Variants in KCNS1 observed in about 807,000 individuals in gnomAD.
KCNS1 encodes the protein delayed-rectifier potassium channel regulatory subunit KCNS1.
In KCNS1, 26 loss-of-function variants were observed where a neutral mutation model predicts 33.1. The ratio of observed to expected loss-of-function variants is 0.79; its 90% CI spans 0.58 to 1.09. The LOEUF is 1.09. Among genes scored for constraint, KCNS1 ranks in the 50% least tolerant of loss-of-function variants. KCNS1 has a pLI of 0.00. For synonymous variants in KCNS1, 299 were observed against 338.8 expected (o/e 0.88, Z 1.29); for missense variants, 702 against 752.4 (o/e 0.93, Z 0.78).
At position 45,097,883 on chromosome 20, in the gene KCNS1, T is replaced by C. The variant is rs1157573489; in HGVS notation, c.889A>G (p.Thr297Ala). Reference protein sequence around the residue: ...VSSRLLLAPSTRNFFCHPLNL... With the variant: ...VSSRLLLAPSARNFFCHPLNL... Reference sequence around the variant, plus strand: ...AGCGGGTGGCAGAAGAAGTTGCGCGTACTGGGCGCCAGCAGGAGGCGCGAC... The same window carrying C: ...AGCGGGTGGCAGAAGAAGTTGCGCGCACTGGGCGCCAGCAGGAGGCGCGAC... The change falls in exon 3 of 4, where the codon ACG becomes GCG. Residue 297 changes from threonine (T) to alanine (A), a missense_variant. Physicochemically the swap from Thr to Ala is moderately conservative, Grantham distance 58. Transcript: ENST00000537075. 6.2e-7 allele frequency: 1 copy of C among 1,611,498 alleles called. No homozygotes were observed. The highest frequency in any genetic ancestry group is 1.7e-5 in the Admixed American group (1 of 59,790).
In KCNS1 at chr20:45,091,269, G is replaced by A. The variant is rs1265946588; in HGVS notation, c.*3601C>T. 1.3e-5 allele frequency among the ~76,000 whole-genome samples: 2 copies of A among 152,132 alleles called. No individual in the cohort carries two copies. The highest frequency in any genetic ancestry group is 2.1e-4 in the South Asian group (1 of 4,816). On this transcript the variant is annotated 3_prime_UTR_variant, in exon 4 of 4. Transcript: ENST00000537075. ...GGTAAGTACCTTTCCTCCAACTGCCGCAAATACTAATACGGTACCTTGCCC... is the reference window on the plus strand; with the variant it reads ...GGTAAGTACCTTTCCTCCAACTGCCACAAATACTAATACGGTACCTTGCCC...
At chr20:45,096,044 A>G (rs1981173872) in intron 3 of KCNS1, among the ~76,000 whole-genome samples, 1 of 152,208 alleles carries the variant, frequency 6.6e-6, no homozygotes, top group Admixed American at 6.5e-5. Flanking sequence ...CCCACATCAA[A>G]GAATTACCTG....
chr20:45,100,668 T>G (rs747799450), intron 1 of KCNS1, among the ~76,000 whole-genome samples: 4 of 152,208 alleles, frequency 2.6e-5, no homozygotes, highest in Non-Finnish European at 5.9e-5. Flanking sequence ...CTGGGCTCCA[T>G]GCACACCTCA....
At position 45,095,109 on chromosome 20, in the gene KCNS1, C is replaced by G. The variant is rs564831482; in HGVS notation, c.1342G>C (p.Val448Leu). 3 of 1,613,920 alleles carry G rather than the reference C, an allele frequency of 1.9e-6. No homozygotes were observed. Among genetic ancestry groups the G allele is most frequent in the African/African-American group, 2.7e-5 (2 of 75,008 alleles). ...ASGCILGGILVVALPITIIFN... is the reference protein window; with the variant it reads ...ASGCILGGILLVALPITIIFN... ...ATGATGGTGATGGGGAGTGCTACCA[C>G]CAGGATGCCCCCTAGGATGCAGCCT... Residue 448 changes from valine to leucine, a missense_variant, in exon 4 of 4, where the codon GTG (valine) becomes CTG (leucine). Around this residue, in one of 3 missense-constraint regions of KCNS1, gnomAD observed 253 missense variants for 327.4 expected, o/e 0.77. Coordinates refer to ENST00000537075, the MANE Select transcript of KCNS1 (RefSeq NM_001322799.2).
At chr20:45,096,093 T>C (rs1273333902) in intron 3 of KCNS1, among the ~76,000 whole-genome samples, 1 of 152,166 alleles carries the variant, frequency 6.6e-6, no homozygotes, top group African/African-American at 2.4e-5. Flanking sequence ...GAACCCCTAG[T>C]CTAAAGCAGA....
chr20:45,098,686 G>C lies in KCNS1; in HGVS notation c.86C>G (p.Thr29Ser). The C allele has an allele frequency of 1.4e-6, 2 of 1,430,990 alleles. No homozygotes were observed. The highest frequency in any genetic ancestry group is 3.2e-5 in the South Asian group (2 of 62,016). 88.6% of individuals were successfully genotyped at this position (1,430,990 alleles called of 1,614,324 possible). A position where few individuals can be genotyped will look rare whatever the true frequency, so the allele number is the denominator to read the frequency against. The change falls in exon 3 of 4, where the codon ACT becomes AGT. Residue 29 changes from threonine to serine, a missense_variant. This residue lies in a region of KCNS1 where 374 missense variants were observed against 352.3 expected (regional missense o/e 1.06). Transcript: ENST00000537075. The surrounding 1 kb of genome is among the most constrained non-coding windows in gnomAD (Gnocchi z 5.2). The part of the protein sequence containing the change: ...VLPTPLGGRS[T>S]ETFVSEFPGP... ...CGGGAACTCGCTCACAAAGGTTTCA[G>C]TGCTCCTCCCTGCGGACACCAGAAG...
chr20:45,096,682 C>A (rs932355653), intron 3 of KCNS1, among the ~76,000 whole-genome samples: 3 of 152,138 alleles, frequency 2.0e-5, no homozygotes, highest in Non-Finnish European at 1.5e-5. Context: ...TATTGAGGAA[C>A]CTCCAACAAG....
Position 45,095,269 on chromosome 20 carries a change from G to C in KCNS1, c.1182C>G (p.Ala394=), listed in dbSNP as rs1020796428. ...CGTCCTCCTCCTTTTCAGCTGTGTA[G>C]GCCACACCAGAGAACACTGACACAC... ...AVGVSVFSGV[A]YTAEKEEDVG... Residue 394 remains alanine (A), a synonymous_variant, in exon 4 of 4, where the codon GCC becomes GCG. Coordinates refer to ENST00000537075, the MANE Select transcript of KCNS1 (RefSeq NM_001322799.2). The C allele has an allele frequency of 6.2e-7, 1 of 1,614,014 alleles. No individual in the cohort carries two copies. Among genetic ancestry groups the C allele is most frequent in the African/African-American group, 1.3e-5 (1 of 75,024 alleles).
At chr20:45,096,772 G>A (rs1184121408) in intron 3 of KCNS1, among the ~76,000 whole-genome samples, 1 of 152,086 alleles carries the variant, frequency 6.6e-6, no homozygotes, top group Non-Finnish European at 1.5e-5. Context: ...AACCTCTCAC[G>A]AGCTCTCCTA....
In KCNS1 at chr20:45,094,836, T is replaced by C. The variant is rs772953228; in HGVS notation, c.*34A>G. The C allele has an allele frequency of 1.3e-6, 2 of 1,533,792 alleles. No individual in the cohort carries two copies. The highest frequency in any genetic ancestry group is 2.4e-5 in the South Asian group (2 of 84,402). ...TTTAGCAGGGGAGGAATCTCTACTG[T>C]AGGGGCATGGCAGGGGGTCACGGAT... On this transcript the variant is annotated 3_prime_UTR_variant, in exon 4 of 4. Coordinates refer to ENST00000537075, the MANE Select transcript of KCNS1 (RefSeq NM_001322799.2).
Position 45,098,570 on chromosome 20 carries a change from G to C in KCNS1, c.202C>G (p.Leu68Val). The part of the protein sequence containing the change: ...GVRRQLSARA[L>V]ARFPGTRLGR... Reference sequence around the variant, plus strand: ...AGCCGCGTGCCCGGGAAGCGCGCCAGGGCGCGCGCGCTCAGCTGCCGCCGC... The same window carrying C: ...AGCCGCGTGCCCGGGAAGCGCGCCACGGCGCGCGCGCTCAGCTGCCGCCGC... The change falls in exon 3 of 4, where the codon CTG becomes GTG. Residue 68 changes from leucine (L) to valine (V), a missense_variant. By Grantham distance (32) the Leu-to-Val change is conservative (BLOSUM62 1). Around this residue, in one of 3 missense-constraint regions of KCNS1, gnomAD observed 374 missense variants for 352.3 expected, o/e 1.06. Coordinates refer to ENST00000537075, the MANE Select transcript of KCNS1 (RefSeq NM_001322799.2). This position sits in a 1 kb window ranked among gnomAD's most constrained non-coding sequence, Gnocchi z 5.2. 2 of 1,383,366 alleles carry C rather than the reference G, an allele frequency of 1.4e-6. No homozygotes were observed. Among genetic ancestry groups the C allele is most frequent in the Non-Finnish European group, 1.9e-6 (2 of 1,066,424 alleles). The allele number at this position is 1,383,366 out of a possible 1,614,324, so 85.7% of individuals were successfully genotyped here.
Position 45,097,808 on chromosome 20 carries a change from C to T in KCNS1, c.964G>A (p.Ala322Thr), listed in dbSNP as rs1408055256. ...SVLPFYLTLL[A>T]GVALGDQGGK... ...CCCTGGTCGCCCAGTGCCACACCAGCCAGCAGCGTGAGATAGAAGGGCAGC... is the reference window on the plus strand; with the variant it reads ...CCCTGGTCGCCCAGTGCCACACCAGTCAGCAGCGTGAGATAGAAGGGCAGC... Residue 322 changes from alanine to threonine, a missense_variant, in exon 3 of 4, where the codon GCT becomes ACT. By Grantham distance (58) the Ala-to-Thr change is moderately conservative (BLOSUM62 0). Coordinates refer to ENST00000537075, the MANE Select transcript of KCNS1 (RefSeq NM_001322799.2). 1.9e-6 allele frequency: 3 copies of T among 1,613,562 alleles called. No individual in the cohort carries two copies. The highest frequency in any genetic ancestry group is 2.7e-5 in the African/African-American group (2 of 74,960).
chr20:45,094,445 C>T lies in KCNS1; in HGVS notation c.*425G>A, dbSNP rs1020009891. ...CACACCAACAAGCCCAGATTCCAAA[C>T]CTGACTCTGCCACTTCTAATTGTGA... On this transcript the variant is annotated 3_prime_UTR_variant, in exon 4 of 4. Transcript: ENST00000537075. 6.2e-6 allele frequency: 1 copy of T among 162,548 alleles called. No homozygotes were observed. The highest frequency in any genetic ancestry group is 5.9e-5 in the Admixed American group (1 of 16,812). The allele number at this position is 162,548 out of a possible 1,614,324, so 10.1% of individuals were successfully genotyped here. A position where few individuals can be genotyped will look rare whatever the true frequency, so the allele number is the denominator to read the frequency against.
intron 1 of KCNS1, among the ~76,000 whole-genome samples, 174 bp downstream of exon 1, chr20:45,100,747 G>T (rs1377367119): frequency 1.3e-5 from 2 of 152,188 alleles, no homozygotes; most frequent in Non-Finnish European, 2.9e-5. Flanking sequence ...TGAGCAAACT[G>T]TACCAGCCAG....
In KCNS1 at chr20:45,098,564, G is replaced by A. The variant is rs1981292282; in HGVS notation, c.208C>T (p.Arg70Cys). Residue 70 changes from arginine (R) to cysteine (C), a missense_variant, in exon 3 of 4, where the codon CGC becomes TGC. Coordinates refer to ENST00000537075, the MANE Select transcript of KCNS1 (RefSeq NM_001322799.2). The surrounding 1 kb of genome is among the most constrained non-coding windows in gnomAD (Gnocchi z 5.2). ...RRQLSARALARFPGTRLGRLQ... is the reference protein window; with the variant it reads ...RRQLSARALACFPGTRLGRLQ... The stretch of plus-strand genomic sequence containing the variant: ...CGGCCCAGCCGCGTGCCCGGGAAGC[G>A]CGCCAGGGCGCGCGCGCTCAGCTGC... 1.4e-6 allele frequency: 2 copies of A among 1,382,238 alleles called. No individual in the cohort carries two copies. Among genetic ancestry groups the A allele is most frequent in the Admixed American group, 3.5e-5 (1 of 28,932 alleles). 85.6% of individuals were successfully genotyped at this position (1,382,238 alleles called of 1,614,324 possible). A position where few individuals can be genotyped will look rare whatever the true frequency, so the allele number is the denominator to read the frequency against.
chr20:45,099,007 C>T (rs8192648), intron 2 of KCNS1, among the ~76,000 whole-genome samples, 154 bp downstream of exon 2: 335 of 152,324 alleles, frequency 2.2e-3, no homozygotes, highest in Non-Finnish European at 3.2e-3. Flanking sequence ...GATGGAATCG[C>T]AGGATGTCCT....
intron 3 of KCNS1, among the ~76,000 whole-genome samples, chr20:45,095,868 A>C (rs1463430431): frequency 6.6e-6 from 1 of 152,208 alleles, no homozygotes; most frequent in African/African-American, 2.4e-5. Flanking sequence ...AGTGATTCTC[A>C]AACAGGGTGG....
Position 45,098,087 on chromosome 20 carries a change from C to A in KCNS1, c.685G>T (p.Val229Leu), listed in dbSNP as rs1423392654. 1.3e-6 allele frequency: 2 copies of A among 1,571,084 alleles called. No individual in the cohort carries two copies. Among genetic ancestry groups the A allele is most frequent in the South Asian group, 2.3e-5 (2 of 85,658 alleles). The change falls in exon 3 of 4, where the codon GTG (valine) becomes TTG (leucine). Residue 229 changes from valine (V) to leucine (L), a missense_variant. Physicochemically the swap from Val to Leu is conservative, Grantham distance 32. Coordinates refer to ENST00000537075, the MANE Select transcript of KCNS1 (RefSeq NM_001322799.2). This position sits in a 1 kb window ranked among gnomAD's most constrained non-coding sequence, Gnocchi z 5.2. ...ATGGCGGCGATGGAGGCGAGCACCA[C>A]GCTGATGGAGACGCAGCTGAAGAGC... ...SKLFSCVSISVVLASIAAMCI... is the reference protein window; with the variant it reads ...SKLFSCVSISLVLASIAAMCI...
chr20:45,094,828 C>G lies in KCNS1; in HGVS notation c.*42G>C. ...TGAAGAACTTTAGCAGGGGAGGAAT[C>G]TCTACTGTAGGGGCATGGCAGGGGG... On this transcript the variant is annotated 3_prime_UTR_variant, in exon 4 of 4. Coordinates refer to ENST00000537075, the MANE Select transcript of KCNS1 (RefSeq NM_001322799.2). 2 of 1,490,682 alleles carry G rather than the reference C, an allele frequency of 1.3e-6. No individual in the cohort carries two copies. The highest frequency in any genetic ancestry group is 1.8e-6 in the Non-Finnish European group (2 of 1,090,900). 92.3% of individuals were successfully genotyped at this position (1,490,682 alleles called of 1,614,324 possible).
Sources: gnomAD v4.1 joint callset for allele counts (sites outside exome capture counted in the v4.1 genomes callset) on GRCh38, gnomAD v4.1.1 for gene constraint, gnomAD v4.1.1 regional missense constraint, Gnocchi (gnomAD v3.1) non-coding constraint, MANE v1.5 for transcripts, NCBI Gene and HGNC (gene_info 2026-07-23, HGNC 2026-07-21) for gene names.